The following PCLO variants were observed in gnomAD, a reference collection of about 807,000 sequenced individuals.
PCLO encodes the protein piccolo presynaptic cytomatrix protein, also known as protein piccolo.
PCLO carries 82 observed loss-of-function variants against 427.5 expected under a neutral mutation model. The ratio of observed to expected loss-of-function variants is 0.19; its 90% confidence interval spans 0.16 to 0.23. PCLO has a LOEUF of 0.23. PCLO is among the 10% of genes least tolerant of loss of function. The pLI, the probability that PCLO is intolerant of heterozygous loss-of-function variation, is 1.00. For synonymous variants in PCLO, 2,357 were observed against 2,155.4 expected (o/e 1.09, Z -2.59); for missense variants, 6,239 against 6,115.9 (o/e 1.02, Z -0.67).
At position 83,155,741 on chromosome 7, in the gene PCLO, G is replaced by A. The variant is rs372902012; in HGVS notation, c.900C>T (p.Ser300=). 4.3e-5 allele frequency: 70 copies of A among 1,613,874 alleles called. No homozygotes were observed. The highest frequency in any genetic ancestry group is 5.9e-5 in the Non-Finnish European group (70 of 1,179,882). ...RGESVKPSLP[S]PSKPPIQQPT... The stretch of plus-strand genomic sequence containing the variant: ...GTTGCTGAATAGGTGGTTTGGATGG[G>A]CTTGGCAGTGAGGGTTTAACTGATT... Residue 300 remains serine, a synonymous_variant, in exon 2 of 25, where the codon AGC becomes AGT. Coordinates refer to ENST00000333891, the MANE Select transcript of PCLO (RefSeq NM_033026.6).
intron 6 of PCLO, among the ~76,000 whole-genome samples, chr7:82,947,116 G>A (rs780185899): frequency 1.3e-5 from 2 of 152,032 alleles, no homozygotes; most frequent in African/African-American, 2.4e-5. Flanking sequence ...ATTCCCTCTA[G>A]TTACAATGAC....
intron 9 of PCLO, among the ~76,000 whole-genome samples, chr7:82,883,000 T>G (rs572015307): frequency 2.6e-3 from 394 of 152,224 alleles, no homozygotes; most frequent in African/African-American, 9.2e-3. Context: ...AACATTACAT[T>G]TGGATAAAAT....
At chr7:83,138,976 A>T (rs1002907328) in intron 2 of PCLO, among the ~76,000 whole-genome samples, 2 of 152,140 alleles carry the variant, frequency 1.3e-5, no homozygotes, top group African/African-American at 4.8e-5. Context: ...AAAGTATAAT[A>T]AAAAAAGACA....
At chr7:83,084,898 T>C (rs1790192256) in intron 3 of PCLO, among the ~76,000 whole-genome samples, 1 of 152,134 alleles carries the variant, frequency 6.6e-6, no homozygotes, top group Non-Finnish European at 1.5e-5. Flanking sequence ...CAAATTCACA[T>C]TGGCAGTTGC....
At chr7:83,057,893 C>T (rs1291741758) in intron 3 of PCLO, among the ~76,000 whole-genome samples, 2 of 152,150 alleles carry the variant, frequency 1.3e-5, no homozygotes, top group East Asian at 3.9e-4. Flanking sequence ...ATGCAATCAG[C>T]TAATTTGGTT....
At chr7:83,124,683 A>G (rs1300417309) in intron 3 of PCLO, among the ~76,000 whole-genome samples, 2 of 152,144 alleles carry the variant, frequency 1.3e-5, no homozygotes, top group Admixed American at 6.5e-5. Flanking sequence ...AAAGAAAGGG[A>G]ATATGTGTAT....
chr7:82,777,982 G>A (rs1224320175), intron 22 of PCLO, among the ~76,000 whole-genome samples: 1 of 152,092 alleles, frequency 6.6e-6, no homozygotes, highest in African/African-American at 2.4e-5. Flanking sequence ...ACAAACTACA[G>A]AATGGGAGAA....
chr7:82,916,536 T>C lies in PCLO; in HGVS notation c.11450A>G (p.Glu3817Gly). The change falls in exon 7 of 25, where the codon GAA becomes GGA. Residue 3817 changes from glutamate to glycine, a missense_variant. Transcript: ENST00000333891. ...RRKEALLKER[E>G]KRERAYLQGV... ...CTGGAGGTAGGCTCGTTCTCTCTTT[T>C]CTCTCTCCTTTAATAGGGCCTCTTT... is the stretch of plus-strand genomic sequence containing the variant. 6.2e-7 allele frequency: 1 copy of C among 1,613,734 alleles called. No homozygotes were observed. The highest frequency in any genetic ancestry group is 8.5e-7 in the Non-Finnish European group (1 of 1,179,764).
chr7:82,842,658 C>A (rs1792396607), intron 13 of PCLO, among the ~76,000 whole-genome samples: 1 of 152,056 alleles, frequency 6.6e-6, no homozygotes, highest in African/African-American at 2.4e-5. Context: ...AACCGTACAT[C>A]TGACAGGGTG....
chr7:82,852,465 T>C (rs1792689131), intron 10 of PCLO, among the ~76,000 whole-genome samples: 1 of 152,118 alleles, frequency 6.6e-6, no homozygotes, highest in Non-Finnish European at 1.5e-5. Context: ...CCTTCATCTT[T>C]CTCTAGTGAT....
chr7:82,959,803 T>C (rs1336439144), intron 4 of PCLO, among the ~76,000 whole-genome samples: 1 of 152,234 alleles, frequency 6.6e-6, no homozygotes, highest in East Asian at 1.9e-4. Context: ...TTTTTTCCCC[T>C]AAATAACTTT....
At chr7:83,078,163 T>C (rs956013464) in intron 3 of PCLO, among the ~76,000 whole-genome samples, 1 of 152,054 alleles carries the variant, frequency 6.6e-6, no homozygotes, top group Non-Finnish European at 1.5e-5. Flanking sequence ...TAAATGGAAA[T>C]TGTACCTATC....
At chr7:82,760,823 A>T in intron 23 of PCLO, 39 bp from the exon 24 acceptor site, 3 of 1,141,782 alleles carry the variant, frequency 2.6e-6, no homozygotes, top group Non-Finnish European at 2.5e-6. Flanking sequence ...TCCATCAATC[A>T]TATAAATTTC....
chr7:83,122,869 G>A (rs1219812078), intron 3 of PCLO, among the ~76,000 whole-genome samples: 1 of 151,988 alleles, frequency 6.6e-6, no homozygotes, highest in Non-Finnish European at 1.5e-5. Context: ...AAATAAGAAA[G>A]TAACTTTTTT....
intron 3 of PCLO, among the ~76,000 whole-genome samples, chr7:83,019,257 GA>G (rs1788283094): frequency 6.6e-6 from 1 of 151,910 alleles, no homozygotes; most frequent in Non-Finnish European, 1.5e-5. Context: ...AGCTTAAGTG[GA>G]CCAAATGTAT....
At chr7:83,043,850 C>A (rs1022784183) in intron 3 of PCLO, among the ~76,000 whole-genome samples, 6 of 149,932 alleles carry the variant, frequency 4.0e-5, no homozygotes, top group Non-Finnish European at 8.9e-5. Flanking sequence ...GAAATCATAA[C>A]CTTGTTTTCT....
intron 22 of PCLO, among the ~76,000 whole-genome samples, chr7:82,771,478 T>G (rs977995424): frequency 6.6e-6 from 1 of 152,024 alleles, no homozygotes; most frequent in African/African-American, 2.4e-5. Context: ...TCATCTGCAA[T>G]CAAGTGGATA....
At chr7:82,847,061 G>T (rs1169974348) in intron 11 of PCLO, 78 bp downstream of exon 11, 9 of 714,728 alleles carry the variant, frequency 1.3e-5, no homozygotes, top group African/African-American at 7.2e-5. Context: ...ACTGGCAAAG[G>T]TTCCACCTTA....
At chr7:82,947,878 A>T (rs1346662965) in intron 6 of PCLO, among the ~76,000 whole-genome samples, 1 of 152,116 alleles carries the variant, frequency 6.6e-6, no homozygotes, top group Non-Finnish European at 1.5e-5. Flanking sequence ...GAGGAAAAAA[A>T]TATTGATAAC....
Sources: allele counts gnomAD v4.1 joint callset (sites outside exome capture counted in the v4.1 genomes callset), GRCh38; gene constraint gnomAD v4.1.1; transcripts MANE v1.5; gene names NCBI Gene and HGNC (gene_info 2026-07-23, HGNC 2026-07-21).